The following PRTG variants were observed in gnomAD, a reference collection of about 807,000 sequenced individuals.
PRTG encodes the protein protogenin, also known as immunoglobulin superfamily, DCC subclass, member 5.
PRTG carries 67 observed loss-of-function variants against 122.5 expected under a neutral mutation model. That is an observed-to-expected ratio of 0.55 (90% confidence interval 0.45 to 0.67). PRTG has a LOEUF of 0.67. Ranked by LOEUF, PRTG falls within the 30% of genes least tolerant of loss-of-function variation. PRTG has a pLI of 0.00. For missense variants in PRTG, 1,435 were observed against 1,415.4 expected (o/e 1.01, Z -0.22); for synonymous variants, 554 against 501.1 (o/e 1.11, Z -1.41).
intron 2 of PRTG, among the ~76,000 whole-genome samples, chr15:55,721,845 T>A (rs1388559523): frequency 6.6e-6 from 1 of 152,050 alleles, no homozygotes; most frequent in Admixed American, 6.6e-5. Context: ...TATAAAACCA[T>A]CAGATCTCCT....
chr15:55,692,246 C>CTTAGAGGGAGAGAGTTTAGAGG (rs1474473122), intron 2 of PRTG, among the ~76,000 whole-genome samples: 1 of 151,930 alleles, frequency 6.6e-6, no homozygotes, highest in Non-Finnish European at 1.5e-5. Context: ...AAGCCAAGTA[C>CTTAGAGGGAGAGAGTTTAGAGG]TTAGAGGGAG....
chr15:55,735,481 A>T (rs1393531552), intron 2 of PRTG, among the ~76,000 whole-genome samples: 1 of 152,094 alleles, frequency 6.6e-6, no homozygotes, highest in Non-Finnish European at 1.5e-5. Context: ...GGACTTCATC[A>T]ATAGACCCAG....
At chr15:55,670,300 A>C (rs902174547) in intron 11 of PRTG, among the ~76,000 whole-genome samples, 54 of 152,308 alleles carry the variant, frequency 3.5e-4, no homozygotes, top group African/African-American at 1.3e-3. Flanking sequence ...TGTGATGTAT[A>C]AGAGCATGCT....
chr15:55,622,224 T>TC (rs1555428947), intron 18 of PRTG, among the ~76,000 whole-genome samples: 1 of 149,288 alleles, frequency 6.7e-6, no homozygotes, highest in African/African-American at 2.5e-5. Flanking sequence ...TTGTTTTTTT[T>TC]TTTTTTTTTT....
intron 15 of PRTG, among the ~76,000 whole-genome samples, chr15:55,631,493 GA>G (rs1416136127): frequency 2.0e-5 from 3 of 152,132 alleles, no homozygotes; most frequent in Non-Finnish European, 4.4e-5. Context: ...AGAAAAAAGG[GA>G]AACTATAACA....
intron 11 of PRTG, among the ~76,000 whole-genome samples, chr15:55,662,131 T>G (rs2059413605): frequency 2.6e-5 from 4 of 152,224 alleles, no homozygotes. Flanking sequence ...GAAAAAAATG[T>G]TTAAGAAGTA....
chr15:55,723,686 G>A (rs2030914488), intron 2 of PRTG, among the ~76,000 whole-genome samples: 1 of 150,844 alleles, frequency 6.6e-6, no homozygotes, highest in South Asian at 2.1e-4. Flanking sequence ...GGCAGCAAAA[G>A]AGAAAAGATT....
At chr15:55,692,634 TA>T (rs1371549753) in intron 2 of PRTG, among the ~76,000 whole-genome samples, 1 of 151,994 alleles carries the variant, frequency 6.6e-6, no homozygotes, top group Admixed American at 6.6e-5. Flanking sequence ...AGAAACAACT[TA>T]AAATATATAT....
At chr15:55,690,145 T>C (rs2059592870) in intron 2 of PRTG, among the ~76,000 whole-genome samples, 2 of 152,214 alleles carry the variant, frequency 1.3e-5, no homozygotes. Context: ...ACCATTCATT[T>C]AGTTTGTGGT....
At chr15:55,630,374 C>T (rs984896063) in intron 15 of PRTG, among the ~76,000 whole-genome samples, 6 of 152,144 alleles carry the variant, frequency 3.9e-5, no homozygotes, top group East Asian at 1.9e-4. Flanking sequence ...CTGCCCACCT[C>T]GGCCTCCCAA....
At chr15:55,665,437 T>C (rs981813440) in intron 11 of PRTG, among the ~76,000 whole-genome samples, 2 of 151,618 alleles carry the variant, frequency 1.3e-5, no homozygotes, top group African/African-American at 2.4e-5. Flanking sequence ...AGTCTAAATC[T>C]AGAACTTCTA....
At chr15:55,683,253 A>G (rs1471026369) in intron 3 of PRTG, among the ~76,000 whole-genome samples, 1 of 152,062 alleles carries the variant, frequency 6.6e-6, no homozygotes, top group Non-Finnish European at 1.5e-5. Flanking sequence ...CATGTTAGCA[A>G]ATGTCTGCCA....
At chr15:55,702,008 G>A (rs1431416281) in intron 2 of PRTG, among the ~76,000 whole-genome samples, 1 of 152,094 alleles carries the variant, frequency 6.6e-6, no homozygotes, top group East Asian at 1.9e-4. Context: ...CCTGATTGTA[G>A]TGATGGTTAC....
intron 2 of PRTG, among the ~76,000 whole-genome samples, chr15:55,731,001 C>G (rs1464179552): frequency 1.3e-5 from 2 of 152,160 alleles, no homozygotes; most frequent in Non-Finnish European, 2.9e-5. Flanking sequence ...GGCAAGGATT[C>G]TCTATTGACT....
intron 13 of PRTG, among the ~76,000 whole-genome samples, chr15:55,639,257 G>A (rs969413740): frequency 2.6e-5 from 4 of 152,098 alleles, no homozygotes; most frequent in Non-Finnish European, 4.4e-5. Flanking sequence ...TTAGAGCACC[G>A]TGATGGGCAT....
At chr15:55,708,051 C>T (rs1188625292) in intron 2 of PRTG, among the ~76,000 whole-genome samples, 2 of 149,218 alleles carry the variant, frequency 1.3e-5, no homozygotes, top group East Asian at 3.9e-4. Context: ...CTGTGATGGA[C>T]ACTCCTTTAC....
Position 55,673,628 on chromosome 15 carries a change from T to C in PRTG, c.1595A>G (p.Asp532Gly), listed in dbSNP as rs746967287. 5.5e-5 allele frequency: 88 copies of C among 1,614,054 alleles called. No homozygotes were observed. In the East Asian group the frequency reaches 1.8e-3, roughly 33 times the overall value. Residue 532 changes from aspartate to glycine, a missense_variant, in exon 10 of 20, where the codon GAT (aspartate) becomes GGT (glycine). Transcript: ENST00000389286. ...EISLTSRSPT[D>G]ILISWLPIPA... is the part of the protein sequence containing the mutation. ...GATTGGCAGCCAGGAGATGAGAATA[T>C]CAGTGGGACTTCGACTTGTCAAACT...
At chr15:55,639,915 C>A in intron 12 of PRTG, 87 bp from the exon 13 acceptor site, 4 of 1,520,450 alleles carry the variant, frequency 2.6e-6, no homozygotes, top group Non-Finnish European at 2.6e-6. Context: ...AATATCCCAC[C>A]CTATAAGTTG....
At chr15:55,727,968 G>A (rs186488578) in intron 2 of PRTG, among the ~76,000 whole-genome samples, 11 of 152,196 alleles carry the variant, frequency 7.2e-5, no homozygotes, top group Non-Finnish European at 1.2e-4. Context: ...AGGTTCAAGC[G>A]ATCCTCATGT....
Sources: allele counts gnomAD v4.1 joint callset (sites outside exome capture counted in the v4.1 genomes callset), GRCh38; gene constraint gnomAD v4.1.1; transcripts MANE v1.5; gene names NCBI Gene and HGNC (gene_info 2026-07-23, HGNC 2026-07-21).